Variants in LEPR observed in about 807,000 individuals in gnomAD.
LEPR encodes leptin receptor.
LEPR carries 56 observed loss-of-function variants against 114.7 expected under a neutral mutation model. That is an observed-to-expected ratio of 0.49 (90% confidence interval 0.39 to 0.61). The LOEUF (loss-of-function observed/expected upper bound fraction) is 0.61, where lower values mean the gene tolerates loss of function less well. Ranked by LOEUF, LEPR falls within the 20% of genes least tolerant of loss-of-function variation. The probability of loss-of-function intolerance (pLI) is 0.00; values close to 1 mark genes in which losing one functional copy is unlikely to be tolerated. For synonymous variants in LEPR, 443 were observed against 461.4 expected, an observed-to-expected ratio of 0.96 and a Z score of 0.51; for missense variants, 1,202 against 1,352.9, an observed-to-expected ratio of 0.89 and a Z score of 1.75.
At chr1:65,479,841 G>A (rs982202614) in intron 2 of LEPR, among the ~76,000 whole-genome samples, 1 of 152,040 alleles carries the variant, frequency 6.6e-6, no homozygotes, top group African/African-American at 2.4e-5. Flanking sequence ...CAGTCCTGAA[G>A]GTTTAAGTTG....
chr1:65,577,926 A>T (rs971550858), intron 5 of LEPR: 2 of 151,044 alleles, frequency 1.3e-5, no homozygotes, highest in Non-Finnish European at 2.9e-5. Context: ...CGTCATCTAC[A>T]TTAGGTATTT....
intron 5 of LEPR, among the ~76,000 whole-genome samples, chr1:65,590,551 T>C (rs1655625443): frequency 6.6e-6 from 1 of 151,744 alleles, no homozygotes; most frequent in South Asian, 2.1e-4. Context: ...ATAAGGGGCT[T>C]TTCCCCACAT....
At chr1:65,456,626 G>C (rs148200993) in intron 2 of LEPR, among the ~76,000 whole-genome samples, 3,355 of 152,176 alleles carry the variant, frequency 0.022, 75 homozygotes, top group South Asian at 0.092. Flanking sequence ...ATTAATAGAG[G>C]TACTCTTGTT....
chr1:65,440,394 C>T (rs1646634352), intron 2 of LEPR, among the ~76,000 whole-genome samples: 3 of 150,434 alleles, frequency 2.0e-5, no homozygotes, highest in Non-Finnish European at 4.4e-5. Flanking sequence ...AAAAAATAAA[C>T]TTCACAAATA....
chr1:65,469,971 C>T (rs1170897353), intron 2 of LEPR, among the ~76,000 whole-genome samples: 1 of 151,498 alleles, frequency 6.6e-6, no homozygotes, highest in Non-Finnish European at 1.5e-5. Flanking sequence ...CAGAGTCAGC[C>T]GGGAAGCCTT....
At chr1:65,442,900 A>G (rs1268210437) in intron 2 of LEPR, among the ~76,000 whole-genome samples, 2 of 152,168 alleles carry the variant, frequency 1.3e-5, no homozygotes, top group African/African-American at 4.8e-5. Context: ...CACAGAGACC[A>G]TACTCAGGAG....
At chr1:65,540,212 C>A (rs990861090) in intron 2 of LEPR, among the ~76,000 whole-genome samples, 2 of 152,178 alleles carry the variant, frequency 1.3e-5, no homozygotes, top group Non-Finnish European at 2.9e-5. Context: ...TTTGTTTTCT[C>A]ATTGTTGACA....
intron 2 of LEPR, among the ~76,000 whole-genome samples, chr1:65,518,873 T>TTCTTTTTC (rs763024512): frequency 2.6e-5 from 3 of 117,216 alleles, no homozygotes; most frequent in East Asian, 4.6e-4. Flanking sequence ...CTTTCTTTCT[T>TTCTTTTTC]TTTCTTTCTT....
chr1:65,551,815 T>C (rs1652391794), intron 2 of LEPR, among the ~76,000 whole-genome samples: 1 of 152,236 alleles, frequency 6.6e-6, no homozygotes, highest in Non-Finnish European at 1.5e-5. Context: ...CAATTTTAGA[T>C]CTTTCCTGCT....
intron 11 of LEPR, among the ~76,000 whole-genome samples, chr1:65,607,399 C>A (rs1044017788): frequency 1.3e-5 from 2 of 152,182 alleles, no homozygotes; most frequent in African/African-American, 4.8e-5. Flanking sequence ...CTCTGCTGTA[C>A]CAGGCATTGA....
At chr1:65,494,144 G>T (rs563655426) in intron 2 of LEPR, 2 of 152,100 alleles carry the variant, frequency 1.3e-5, no homozygotes, top group Admixed American at 1.3e-4. Context: ...CTGTACTGGC[G>T]TATTATTTTT....
At chr1:65,504,952 T>C (rs1318678668) in intron 2 of LEPR, among the ~76,000 whole-genome samples, 1 of 152,162 alleles carries the variant, frequency 6.6e-6, no homozygotes, top group African/African-American at 2.4e-5. Context: ...TTTACCCCAT[T>C]CCAATTAAAT....
In LEPR at chr1:65,570,735, A is replaced by T; in HGVS notation, c.303A>T (p.Leu101Phe). Residue 101 changes from leucine (L) to phenylalanine (F), a missense_variant, in exon 4 of 20, where the codon TTA (leucine) becomes TTT (phenylalanine). Physicochemically the swap from Leu to Phe is conservative, Grantham distance 22 (BLOSUM62 0). Coordinates refer to ENST00000349533, the MANE Select transcript of LEPR (RefSeq NM_002303.6). ...FRSEQDRNCSLCADNIEGKTF... is the reference protein window; with the variant it reads ...FRSEQDRNCSFCADNIEGKTF... ...GTGAGCAAGATAGAAACTGCTCCTT[A>T]TGTGCAGACAACATTGAAGGAAAGA... 6.2e-7 allele frequency: 1 copy of T among 1,601,132 alleles called. No individual in the cohort carries two copies. The highest frequency in any genetic ancestry group is 8.5e-7 in the Non-Finnish European group (1 of 1,171,944).
At chr1:65,501,816 C>T (rs961737536) in intron 2 of LEPR, among the ~76,000 whole-genome samples, 3 of 152,074 alleles carry the variant, frequency 2.0e-5, no homozygotes, top group African/African-American at 2.4e-5. Context: ...GGAGGATATT[C>T]GAGATACAGT....
At chr1:65,612,798 G>C (rs1376051788) in intron 14 of LEPR, among the ~76,000 whole-genome samples, 2 of 152,148 alleles carry the variant, frequency 1.3e-5, no homozygotes, top group Admixed American at 6.5e-5. Flanking sequence ...TATGGGTTTG[G>C]GGGAGGAAGA....
chr1:65,438,576 A>G (rs1398447313), intron 2 of LEPR, among the ~76,000 whole-genome samples: 1 of 147,206 alleles, frequency 6.8e-6, no homozygotes, highest in African/African-American at 2.5e-5. Context: ...AAAAAAAGAC[A>G]GTTGAGCTAG....
intron 16 of LEPR, 108 bp downstream of exon 16, chr1:65,618,254 A>G (rs1360282823): frequency 2.2e-6 from 2 of 929,562 alleles, no homozygotes; most frequent in Admixed American, 2.3e-5. Context: ...AATATAGAGG[A>G]TACTACCATC....
At chr1:65,454,341 C>T (rs367715843) in intron 2 of LEPR, among the ~76,000 whole-genome samples, 4 of 151,598 alleles carry the variant, frequency 2.6e-5, no homozygotes, top group Middle Eastern at 3.2e-3. Flanking sequence ...TTAGCTGGTT[C>T]TTTTGCTCGT....
intron 2 of LEPR, among the ~76,000 whole-genome samples, chr1:65,504,335 C>A (rs1648613020): frequency 6.6e-6 from 1 of 152,060 alleles, no homozygotes; most frequent in Non-Finnish European, 1.5e-5. Flanking sequence ...CCAAAGAGTA[C>A]CATATGGAAA....
Sources: gnomAD v4.1 joint callset for allele counts (sites outside exome capture counted in the v4.1 genomes callset) on GRCh38, gnomAD v4.1.1 for gene constraint, MANE v1.5 for transcripts, NCBI Gene and HGNC (gene_info 2026-07-23, HGNC 2026-07-21) for gene names.